ANKRD35: variants seen among roughly 807,000 people sequenced by gnomAD.
ANKRD35 encodes the protein ankyrin repeat domain-containing protein 35.
In ANKRD35, 102 loss-of-function variants were observed where a neutral mutation model predicts 109.9. The observed-to-expected ratio is 0.93, with a 90% confidence interval of 0.79 to 1.09. ANKRD35 has a LOEUF of 1.09. Ranked by LOEUF, ANKRD35 falls within the 50% of genes least tolerant of loss-of-function variation. The pLI, the probability that ANKRD35 is intolerant of heterozygous loss-of-function variation, is 0.00. For missense variants in ANKRD35, 1,240 were observed against 1,230.1 expected, an observed-to-expected ratio of 1.01 and a Z score of -0.12; for synonymous variants, 515 against 512.4, an observed-to-expected ratio of 1.01 and a Z score of -0.07.
chr1:145,875,878 A>C (rs1654051597), intron 7 of ANKRD35, among the ~76,000 whole-genome samples: 1 of 152,214 alleles, frequency 6.6e-6, no homozygotes, highest in South Asian at 2.1e-4. Flanking sequence ...CATAAAAGAT[A>C]ATTTGACAAC....
intron 6 of ANKRD35, 26 bp from the exon 7 acceptor site, chr1:145,876,272 A>C (rs376079572): frequency 1.3e-6 from 2 of 1,598,314 alleles, no homozygotes; most frequent in Non-Finnish European, 1.7e-6. Context: ...GAAGAGGTTC[A>C]TGAGCAGCCA....
At position 145,885,743 on chromosome 1, in the gene ANKRD35, A is replaced by C; in HGVS notation, c.16T>G (p.Ser6Ala). The C allele has an allele frequency of 6.2e-7, 1 of 1,614,102 alleles. No individual in the cohort carries two copies. Among genetic ancestry groups the C allele is most frequent in the Non-Finnish European group, 8.5e-7 (1 of 1,180,002 alleles). MKRIFSCSSTQVAVER... is the reference protein window; with the variant it reads MKRIFACSSTQVAVER... ...ACCGCCACCTGTGTGCTGGAGCAGG[A>C]GAAGATACGCTTCATGGCCGGGGTC... Residue 6 changes from serine (S) to alanine (A), a missense_variant, in exon 1 of 14, where the codon TCC becomes GCC. Physicochemically the swap from Ser to Ala is moderately conservative, Grantham distance 99. Transcript: ENST00000355594.
rs1653909400 is a variant in ANKRD35 at position 145,873,091 on chromosome 1, CAGGTTTCACCTGTAG to C, written c.1663_1677del (p.Leu555_Pro559del). The C allele has an allele frequency of 6.2e-7, 1 of 1,613,092 alleles. No individual in the cohort carries two copies. Among genetic ancestry groups the C allele is most frequent in the African/African-American group, 1.3e-5 (1 of 74,874 alleles). On this transcript the variant is annotated inframe_deletion, in exon 10 of 14. Coordinates refer to ENST00000355594, the MANE Select transcript of ANKRD35 (RefSeq NM_144698.5). ...TCTCTGGACTCCTGGGAAGGAACCT[CAGGTTTCACCTGTAG>C]TCCTGCCTTTGCCCATTCCAGCCTT...
chr1:145,878,562 A>T, intron 2 of ANKRD35, 83 bp from the exon 3 acceptor site: 1 of 1,311,132 alleles, frequency 7.6e-7, no homozygotes, highest in Non-Finnish European at 1.1e-6. Flanking sequence ...CCTTCTTGCT[A>T]TGCTCCCTAC....
chr1:145,885,127 T>G (rs1379440978), intron 1 of ANKRD35, among the ~76,000 whole-genome samples: 1 of 152,072 alleles, frequency 6.6e-6, no homozygotes, highest in Non-Finnish European at 1.5e-5. Context: ...GGAACAGCAG[T>G]GCTGGTGAGA....
Position 145,885,842 on chromosome 1 carries a change from G to T in ANKRD35, c.-84C>A. 9.4e-7 allele frequency: 1 copy of T among 1,065,092 alleles called. No homozygotes were observed. The highest frequency in any genetic ancestry group is 1.3e-5 in the South Asian group (1 of 77,704). 66.0% of individuals were successfully genotyped at this position (1,065,092 alleles called of 1,614,324 possible). On this transcript the variant is annotated 5_prime_UTR_variant, in exon 1 of 14. Coordinates refer to ENST00000355594, the MANE Select transcript of ANKRD35 (RefSeq NM_144698.5). ...GAACCCACCGGACTTGGCTGCGGCT[G>T]TGCAAGAGACAGCTGTCAAAAAGCA...
chr1:145,880,648 C>T (rs782602635), intron 1 of ANKRD35, among the ~76,000 whole-genome samples: 10 of 152,098 alleles, frequency 6.6e-5, no homozygotes, highest in Non-Finnish European at 1.3e-4. Flanking sequence ...ATAATCTCAA[C>T]AAGAGGCTAT....
At chr1:145,884,054 A>C (rs1654393338) in intron 1 of ANKRD35, among the ~76,000 whole-genome samples, 1 of 152,210 alleles carries the variant, frequency 6.6e-6, no homozygotes, top group Non-Finnish European at 1.5e-5. Context: ...CAGCCCACTC[A>C]TTCCAGCACC....
chr1:145,872,335 G>C lies in ANKRD35; in HGVS notation c.2434C>G (p.Gln812Glu). The C allele has an allele frequency of 6.2e-7, 1 of 1,612,908 alleles. No homozygotes were observed. The highest frequency in any genetic ancestry group is 8.5e-7 in the Non-Finnish European group (1 of 1,179,488). The change falls in exon 10 of 14, where the codon CAG (glutamine) becomes GAG (glutamate). Residue 812 changes from glutamine to glutamate, a missense_variant. By Grantham distance (29) the Gln-to-Glu change is conservative. Transcript: ENST00000355594. ...GKSQEIGKLK[Q>E]LLYQATEEVA... ...TCCTCTGTGGCTTGGTAGAGCAGCT[G>C]CTTCAGCTTTCCGATCTCCTGGCTC...
chr1:145,878,257 A>C, intron 3 of ANKRD35, 134 bp downstream of exon 3: 1 of 1,037,414 alleles, frequency 9.6e-7, no homozygotes, highest in Non-Finnish European at 1.4e-6. Context: ...TCCTGGAAGG[A>C]TGCTGGCCAG....
intron 10 of ANKRD35, among the ~76,000 whole-genome samples, chr1:145,868,970 A>T (rs1283528220): frequency 2.6e-5 from 4 of 152,134 alleles, no homozygotes; most frequent in African/African-American, 4.8e-5. Flanking sequence ...TTATTTTTTT[A>T]AAACTCAGTT....
At chr1:145,868,195 G>T in intron 11 of ANKRD35, 116 bp downstream of exon 11, 4 of 1,473,474 alleles carry the variant, frequency 2.7e-6, no homozygotes, top group Non-Finnish European at 2.8e-6. Context: ...TGCCTAGCCA[G>T]GCCTCTGTAA....
Position 145,876,805 on chromosome 1 carries a change from C to T in ANKRD35, c.382+11G>A. 1.2e-6 allele frequency: 2 copies of T among 1,614,080 alleles called. No homozygotes were observed. The highest frequency in any genetic ancestry group is 2.7e-5 in the African/African-American group (2 of 75,054). ...TCTGCAGCCCTGTTCCCATGAGTCC[C>T]CTGCACACACCTGCCCAGTGCAATG... On this transcript the variant is annotated intron_variant, in intron 5 of 13. Transcript: ENST00000355594.
At chr1:145,884,777 C>T (rs1245509319) in intron 1 of ANKRD35, among the ~76,000 whole-genome samples, 1 of 151,990 alleles carries the variant, frequency 6.6e-6, no homozygotes, top group Non-Finnish European at 1.5e-5. Flanking sequence ...AGCAACTGGG[C>T]AAGGGTTCAG....
chr1:145,876,220 T>A lies in ANKRD35; in HGVS notation c.480A>T (p.Ala160=). Residue 160 remains alanine (A), a synonymous_variant, in exon 7 of 14, where the codon GCA becomes GCT. Coordinates refer to ENST00000355594, the MANE Select transcript of ANKRD35 (RefSeq NM_144698.5). ...AGATAGCTGCGTGCCCACCCAGCGA[T>A]GCGATCATCAGGGGTGTACGTCCAT... ...DNDGRTPLMI[A]SLGGHAAICS... is the part of the protein sequence containing the mutation. 1 of 1,613,944 alleles carries A rather than the reference T, an allele frequency of 6.2e-7. No individual in the cohort carries two copies. The highest frequency in any genetic ancestry group is 8.5e-7 in the Non-Finnish European group (1 of 1,179,936).
Position 145,878,482 on chromosome 1 carries a change from GC to G in ANKRD35, c.171-4del. On this transcript the variant is annotated splice_polypyrimidine_tract_variant and splice_region_variant and intron_variant, in intron 2 of 13. Transcript: ENST00000355594. ...CTTTGGAGGCTGCCAGATGAAACCT[GC>G]CAGAATCAAGGCCGAGAGGCCAAAG... 1.3e-6 allele frequency: 2 copies of G among 1,564,430 alleles called. No individual in the cohort carries two copies. Among genetic ancestry groups the G allele is most frequent in the Non-Finnish European group, 8.7e-7 (1 of 1,153,428 alleles).
intron 4 of ANKRD35, among the ~76,000 whole-genome samples, chr1:145,877,105 G>A (rs781845920): frequency 4.6e-5 from 7 of 152,172 alleles, no homozygotes; most frequent in African/African-American, 1.2e-4. Flanking sequence ...GGTAATAAAC[G>A]TGTTAGGGAA....
At chr1:145,871,317 C>T (rs1653812203) in intron 10 of ANKRD35, among the ~76,000 whole-genome samples, 4 of 151,824 alleles carry the variant, frequency 2.6e-5, no homozygotes, top group Admixed American at 2.6e-4. Context: ...GTGCCCGCAC[C>T]ACGCCCAGCT....
intron 1 of ANKRD35, among the ~76,000 whole-genome samples, chr1:145,882,916 C>T (rs755443678): frequency 3.3e-5 from 5 of 152,068 alleles, no homozygotes; most frequent in Admixed American, 2.0e-4. Flanking sequence ...GTACCTTCTC[C>T]TTATATCTCT....
Sources: allele counts gnomAD v4.1 joint callset (sites outside exome capture counted in the v4.1 genomes callset), GRCh38; gene constraint gnomAD v4.1.1; transcripts MANE v1.5; gene names NCBI Gene and HGNC (gene_info 2026-07-23, HGNC 2026-07-21).